The following HIC2 variants were observed in gnomAD, a reference collection of about 807,000 sequenced individuals.
The protein encoded by HIC2 is hypermethylated in cancer 2 protein.
A neutral mutation model predicts 39.5 loss-of-function variants in HIC2; 2 were observed. The ratio of observed to expected loss-of-function variants is 0.05; its 90% CI spans 0.02 to 0.16. HIC2 has a LOEUF of 0.16. Ranked by LOEUF, HIC2 falls within the 10% of genes least tolerant of loss-of-function variation. HIC2 has a pLI of 1.00. For synonymous variants in HIC2, 399 were observed against 368.8 expected (o/e 1.08, Z -0.94); for missense variants, 713 against 863.5 (o/e 0.83, Z 2.18).
Position 21,446,396 on chromosome 22 carries a change from G to C in HIC2, c.1501G>C (p.Glu501Gln), listed in dbSNP as rs1329016398. The C allele has an allele frequency of 2.5e-6, 4 of 1,612,152 alleles. No individual in the cohort carries two copies. The highest frequency in any genetic ancestry group is 1.7e-5 in the Admixed American group (1 of 60,012). The change falls in exon 3 of 3, where the codon GAG becomes CAG. Residue 501 changes from glutamate to glutamine, a missense_variant. Transcript: ENST00000407464. Reference sequence around the variant, plus strand: ...AGCACCCAGTGCGGCCTACACGGCTGAGCCCCGGCCCTTCAAGTGTTCGGT... The same window carrying C: ...AGCACCCAGTGCGGCCTACACGGCTCAGCCCCGGCCCTTCAAGTGTTCGGT... Reference protein sequence around the residue: ...LSAPSAAYTAEPRPFKCSVCE... With the variant: ...LSAPSAAYTAQPRPFKCSVCE...
In HIC2 at chr22:21,445,937, TC is replaced by T; in HGVS notation, c.1047del (p.Phe350LeufsTer180). The T allele has an allele frequency of 2.5e-6, 4 of 1,581,388 alleles. No individual in the cohort carries two copies. Among genetic ancestry groups the T allele is most frequent in the Non-Finnish European group, 1.7e-6 (2 of 1,166,014 alleles). On this transcript the variant is annotated frameshift_variant, in exon 3 of 3. Transcript: ENST00000407464. LOFTEE classifies it high-confidence loss of function. ...GGGCAAGAAGGAGCCTGTGGCTGGCTCCCCCTTTGAGCGGAGAGAAGCAGGG... is the reference window on the plus strand; with the variant it reads ...GGGCAAGAAGGAGCCTGTGGCTGGCTCCCCTTTGAGCGGAGAGAAGCAGGG... ...EWGKKEPVAG[S>X]PFERREAGPK...
rs767355555 is a variant in HIC2 at position 21,448,483 on chromosome 22, A to G, written c.*1740A>G. 1 of 152,802 alleles carries G rather than the reference A, an allele frequency of 6.5e-6. No homozygotes were observed. Among genetic ancestry groups the G allele is most frequent in the Non-Finnish European group, 1.5e-5 (1 of 68,040 alleles). 9.5% of individuals were successfully genotyped at this position (152,802 alleles called of 1,614,324 possible). A position where few individuals can be genotyped will look rare whatever the true frequency, so the allele number is the denominator to read the frequency against. On this transcript the variant is annotated 3_prime_UTR_variant, in exon 3 of 3. Transcript: ENST00000407464. ...GATCTCAGTCCCACTGTCTTCAGCC[A>G]GCTGAAGCTGTGGGGCTGGGCTGGC...
intron 1 of HIC2, among the ~76,000 whole-genome samples, chr22:21,421,775 G>T: frequency 3.0e-5 from 2 of 66,174 alleles, no homozygotes; most frequent in African/African-American, 3.8e-5. Context: ...GGAGTATGTG[G>T]AGTCCCCAGC....
chr22:21,432,874 T>C (rs1923369693), intron 1 of HIC2, among the ~76,000 whole-genome samples: 1 of 28,440 alleles, frequency 3.5e-5, no homozygotes, highest in Middle Eastern at 0.026. Flanking sequence ...CATTGCCGCG[T>C]TGCCAGCTGT....
chr22:21,442,959 C>T (rs898450391), intron 2 of HIC2, 102 bp downstream of exon 2: 1 of 660,502 alleles, frequency 1.5e-6, no homozygotes, highest in Non-Finnish European at 2.5e-6. Context: ...GACCCGTGGT[C>T]CTTTGTGTGC....
rs778156610 is a variant in HIC2, at chr22:21,445,887, G to A, written c.992G>A (p.Arg331Gln). The A allele has an allele frequency of 8.7e-6, 14 of 1,600,990 alleles. No individual in the cohort carries two copies. The highest frequency in any genetic ancestry group is 1.7e-5 in the Admixed American group (1 of 57,238). The change falls in exon 3 of 3, where the codon CGG (arginine) becomes CAG (glutamine). Residue 331 changes from arginine to glutamine, a missense_variant. Physicochemically the swap from Arg to Gln is conservative, Grantham distance 43. This residue lies in a region of HIC2 where 457 missense variants were observed against 420.2 expected (regional missense o/e 1.09). Coordinates refer to ENST00000407464, the MANE Select transcript of HIC2 (RefSeq NM_015094.3). ...GGTGGGCAGCCTCGGAAGAGCCTCC[G>A]GCACTCCACTCGGAAGAAGGAGTGG... ...APGGQPRKSLRHSTRKKEWGK... is the reference protein window; with the variant it reads ...APGGQPRKSLQHSTRKKEWGK...
intron 1 of HIC2, among the ~76,000 whole-genome samples, chr22:21,418,984 TG>T (rs1485807345): frequency 7.6e-6 from 1 of 131,110 alleles, no homozygotes; most frequent in Non-Finnish European, 1.6e-5. Context: ...GCCATGTGGT[TG>T]GTCTGGAGCC....
In HIC2 at chr22:21,448,935, A is replaced by G. The variant is rs1197953784; in HGVS notation, c.*2192A>G. On this transcript the variant is annotated 3_prime_UTR_variant, in exon 3 of 3. Transcript: ENST00000407464. The stretch of plus-strand genomic sequence containing the variant: ...CCACATGACACAAAGTCTGTACCGC[A>G]CGGGAAATGTTCACGCGCCTGGCCG... 3 of 152,778 alleles carry G rather than the reference A, an allele frequency of 2.0e-5. No individual in the cohort carries two copies. The highest frequency in any genetic ancestry group is 7.2e-5 in the African/African-American group (3 of 41,456). The allele number at this position is 152,778 out of a possible 1,614,324, so 9.5% of individuals were successfully genotyped here. A position where few individuals can be genotyped will look rare whatever the true frequency, so the allele number is the denominator to read the frequency against.
intron 2 of HIC2, among the ~76,000 whole-genome samples, chr22:21,444,452 C>G (rs528872437): frequency 6.6e-6 from 1 of 152,340 alleles, no homozygotes; most frequent in South Asian, 2.1e-4. Context: ...TCAAAAGGAA[C>G]CACCATTTAG....
Position 21,447,992 on chromosome 22 carries a change from C to T in HIC2, c.*1249C>T, listed in dbSNP as rs542117498. 35 of 152,924 alleles carry T rather than the reference C, an allele frequency of 2.3e-4. 1 individual carries two copies. The highest frequency in any genetic ancestry group is 8.4e-4 in the African/African-American group (35 of 41,578). 9.5% of individuals were successfully genotyped at this position (152,924 alleles called of 1,614,324 possible). On this transcript the variant is annotated 3_prime_UTR_variant, in exon 3 of 3. Coordinates refer to ENST00000407464, the MANE Select transcript of HIC2 (RefSeq NM_015094.3). ...TTCCTTCGCTTAGCACCTAGGAAGT[C>T]GTGTGCAGGAGCCAGCAGGGCGCCA... is the stretch of plus-strand genomic sequence containing the variant.
At position 21,445,749 on chromosome 22, in the gene HIC2, C is replaced by G; in HGVS notation, c.854C>G (p.Ser285Cys). Residue 285 changes from serine (S) to cysteine (C), a missense_variant, in exon 3 of 3, where the codon TCT becomes TGT. This residue lies in a region of HIC2 where 457 missense variants were observed against 420.2 expected (regional missense o/e 1.09). Transcript: ENST00000407464. ...CAACATGGCTCGCCCCCTGCGGCCTCTGCTCCTCCCGTTGCCAACAGTGCC... is the reference window on the plus strand; with the variant it reads ...CAACATGGCTCGCCCCCTGCGGCCTGTGCTCCTCCCGTTGCCAACAGTGCC... ...DSQHGSPPAA[S>C]APPVANSASY... 1.2e-6 allele frequency: 2 copies of G among 1,611,224 alleles called. No individual in the cohort carries two copies. Among genetic ancestry groups the G allele is most frequent in the Non-Finnish European group, 1.7e-6 (2 of 1,179,278 alleles).
At chr22:21,443,538 A>G (rs1188633394) in intron 2 of HIC2, among the ~76,000 whole-genome samples, 1 of 152,028 alleles carries the variant, frequency 6.6e-6, no homozygotes, top group Non-Finnish European at 1.5e-5. Context: ...GGCTCAGAGT[A>G]GTTCAGCTGC....
At chr22:21,444,851 C>G (rs1470465386) in intron 2 of HIC2, 71 bp from the exon 3 acceptor site, 2 of 1,530,384 alleles carry the variant, frequency 1.3e-6, no homozygotes, top group Non-Finnish European at 1.8e-6. Context: ...TCGTCGAGCC[C>G]CACCCTGCCC....
At position 21,445,048 on chromosome 22, in the gene HIC2, G is replaced by T. The variant is rs201609791; in HGVS notation, c.153G>T (p.Met51Ile). 1.1e-5 allele frequency: 17 copies of T among 1,614,186 alleles called. No individual in the cohort carries two copies. Among genetic ancestry groups the T allele is most frequent in the Non-Finnish European group, 1.4e-5 (17 of 1,180,046 alleles). Reference protein sequence around the residue: ...TKGFLCDVIIMVENSIFRAHK... With the variant: ...TKGFLCDVIIIVENSIFRAHK... Reference sequence around the variant, plus strand: ...GCTTCCTGTGTGACGTCATCATCATGGTGGAGAACTCCATCTTCCGGGCCC... The same window carrying T: ...GCTTCCTGTGTGACGTCATCATCATTGTGGAGAACTCCATCTTCCGGGCCC... The change falls in exon 3 of 3, where the codon ATG becomes ATT. Residue 51 changes from methionine (M) to isoleucine (I), a missense_variant. Around this residue, in one of 5 missense-constraint regions of HIC2, gnomAD observed 102 missense variants for 187.1 expected, o/e 0.55. Transcript: ENST00000407464.
At chr22:21,423,642 CGTT>C (rs1422645572) in intron 1 of HIC2, among the ~76,000 whole-genome samples, 2 of 152,072 alleles carry the variant, frequency 1.3e-5, no homozygotes, top group Admixed American at 1.3e-4. Context: ...TGTCAGTCCT[CGTT>C]GTACAAGTGG....
rs1343745839 is a variant in HIC2, at chr22:21,421,676, C to T, written c.-74+4116C>T. On this transcript the variant is annotated intron_variant, in intron 1 of 2. Coordinates refer to ENST00000407464, the MANE Select transcript of HIC2 (RefSeq NM_015094.3). ...CTAGGTGCCTCTTACCTAGAGGCACCGGTTTTTTGTGAGGTGGGCAGCGCA... is the reference window on the plus strand; with the variant it reads ...CTAGGTGCCTCTTACCTAGAGGCACTGGTTTTTTGTGAGGTGGGCAGCGCA... 1.0e-4 allele frequency among the ~76,000 whole-genome samples: 10 copies of T among 97,238 alleles called. 2 individuals are homozygous for T. Among genetic ancestry groups the T allele is most frequent in the African/African-American group, 2.2e-4 (8 of 35,792 alleles). 63.8% of individuals were successfully genotyped at this position (97,238 alleles called of 152,430 possible).
chr22:21,443,675 A>T (rs1217958367), intron 2 of HIC2, among the ~76,000 whole-genome samples: 1 of 152,066 alleles, frequency 6.6e-6, no homozygotes, highest in Non-Finnish European at 1.5e-5. Context: ...CTGTGAGCCT[A>T]TCCGGGGCAC....
rs750898313 is a variant in HIC2 at position 21,446,034 on chromosome 22, G to A, written c.1139G>A (p.Ser380Asn). ...AGGGTTCCCAATGGCATCCTGGCTA[G>A]TGGGGCTGGCCCTAGCGGGCCCTAT... ...GDRVPNGILASGAGPSGPYGE... is the reference protein window; with the variant it reads ...GDRVPNGILANGAGPSGPYGE... The change falls in exon 3 of 3, where the codon AGT (serine) becomes AAT (asparagine). Residue 380 changes from serine to asparagine, a missense_variant. Around this residue, in one of 5 missense-constraint regions of HIC2, gnomAD observed 457 missense variants for 420.2 expected, o/e 1.09. Transcript: ENST00000407464. 1 of 1,595,314 alleles carries A rather than the reference G, an allele frequency of 6.3e-7. No homozygotes were observed. Among genetic ancestry groups the A allele is most frequent in the Non-Finnish European group, 8.5e-7 (1 of 1,173,220 alleles).
In HIC2 at chr22:21,447,032, C is replaced by T. The variant is rs1923885953; in HGVS notation, c.*289C>T. On this transcript the variant is annotated 3_prime_UTR_variant, in exon 3 of 3. Coordinates refer to ENST00000407464, the MANE Select transcript of HIC2 (RefSeq NM_015094.3). ...CCTGTGGGCTGGGTCACGTGGGTCT[C>T]GCTGGGACCTGGTCCCTTTGTTGCA... is the stretch of plus-strand genomic sequence containing the variant. 4.5e-6 allele frequency: 2 copies of T among 443,172 alleles called. No homozygotes were observed. Among genetic ancestry groups the T allele is most frequent in the Non-Finnish European group, 8.1e-6 (2 of 247,984 alleles). The allele number at this position is 443,172 out of a possible 1,614,324, so 27.5% of individuals were successfully genotyped here. A position where few individuals can be genotyped will look rare whatever the true frequency, so the allele number is the denominator to read the frequency against.
Sources: gnomAD v4.1 joint callset for allele counts (sites outside exome capture counted in the v4.1 genomes callset) on GRCh38, gnomAD v4.1.1 for gene constraint, gnomAD v4.1.1 regional missense constraint, MANE v1.5 for transcripts, NCBI Gene and HGNC (gene_info 2026-07-23, HGNC 2026-07-21) for gene names.